The following ENTHD1 variants were observed in gnomAD, a reference collection of about 807,000 sequenced individuals.
ENTHD1 encodes ENTH domain-containing protein 1.
In ENTHD1, 23 loss-of-function variants were observed where a neutral mutation model predicts 39.1. That is an observed-to-expected ratio of 0.59 (90% CI 0.42 to 0.83). The LOEUF (loss-of-function observed/expected upper bound fraction) is 0.83. Ranked by LOEUF, ENTHD1 falls within the 40% of genes least tolerant of loss-of-function variation. ENTHD1 has a pLI of 0.00. For missense variants in ENTHD1, 624 were observed against 705.4 expected, an observed-to-expected ratio of 0.88 and a Z score of 1.31; for synonymous variants, 230 against 258.2, an observed-to-expected ratio of 0.89 and a Z score of 1.05.
At chr22:39,824,262 T>C (rs1289395624) in intron 4 of ENTHD1, among the ~76,000 whole-genome samples, 4 of 126,966 alleles carry the variant, frequency 3.2e-5, no homozygotes, top group Non-Finnish European at 6.2e-5. Flanking sequence ...CAGGCTGGAG[T>C]GCAACGGCAC....
intron 3 of ENTHD1, among the ~76,000 whole-genome samples, chr22:39,861,506 C>T (rs1455270180): frequency 6.6e-6 from 1 of 151,968 alleles, no homozygotes; most frequent in Non-Finnish European, 1.5e-5. Flanking sequence ...TGCCACTACA[C>T]TCCAGCCTAG....
intron 2 of ENTHD1, among the ~76,000 whole-genome samples, chr22:39,864,936 A>G (rs1029074412): frequency 1.3e-4 from 20 of 152,192 alleles, no homozygotes; most frequent in Admixed American, 1.3e-3. Flanking sequence ...TCATAAAGGA[A>G]TAAATTACCA....
At chr22:39,760,197 A>C (rs1317117412) in intron 6 of ENTHD1, among the ~76,000 whole-genome samples, 1 of 152,018 alleles carries the variant, frequency 6.6e-6, no homozygotes, top group East Asian at 1.9e-4. Context: ...ATGGATTTTT[A>C]TGCCTAGTTC....
chr22:39,844,478 A>C (rs980415832), intron 3 of ENTHD1, among the ~76,000 whole-genome samples: 27 of 152,192 alleles, frequency 1.8e-4, no homozygotes, highest in Non-Finnish European at 2.9e-4. Context: ...TACAAAAGCA[A>C]GTTTTAATAT....
At chr22:39,848,207 C>T (rs534645570) in intron 3 of ENTHD1, among the ~76,000 whole-genome samples, 5 of 152,220 alleles carry the variant, frequency 3.3e-5, no homozygotes, top group African/African-American at 7.2e-5. Flanking sequence ...ACTCCCTCTT[C>T]GGCCACCAGC....
intron 6 of ENTHD1, among the ~76,000 whole-genome samples, chr22:39,751,788 T>A (rs2065149369): frequency 2.0e-5 from 3 of 152,208 alleles, no homozygotes; most frequent in Non-Finnish European, 4.4e-5. Context: ...TAGAAACTGA[T>A]TTTGACTGTT....
At chr22:39,819,623 A>C (rs1293078116) in intron 5 of ENTHD1, among the ~76,000 whole-genome samples, 1 of 152,180 alleles carries the variant, frequency 6.6e-6, no homozygotes, top group Non-Finnish European at 1.5e-5. Flanking sequence ...GAGGATTTTT[A>C]GGGTAGTGAA....
At chr22:39,773,760 T>A (rs1008810806) in intron 5 of ENTHD1, among the ~76,000 whole-genome samples, 1 of 152,096 alleles carries the variant, frequency 6.6e-6, no homozygotes. Context: ...ATAATTCAGA[T>A]TGTAAGGTTA....
At chr22:39,852,215 G>T (rs1255273214) in intron 3 of ENTHD1, among the ~76,000 whole-genome samples, 1 of 151,608 alleles carries the variant, frequency 6.6e-6, no homozygotes, top group African/African-American at 2.4e-5. Flanking sequence ...GTGTGGTGGC[G>T]CATGCCTGCA....
At chr22:39,858,720 A>T (rs1339548019) in intron 3 of ENTHD1, among the ~76,000 whole-genome samples, 1 of 152,214 alleles carries the variant, frequency 6.6e-6, no homozygotes, top group Non-Finnish European at 1.5e-5. Context: ...TCTCCATCAG[A>T]GCTCTTGGGT....
intron 6 of ENTHD1, among the ~76,000 whole-genome samples, chr22:39,762,718 G>T (rs2065245453): frequency 6.6e-6 from 1 of 152,070 alleles, no homozygotes; most frequent in Non-Finnish European, 1.5e-5. Flanking sequence ...CTCCCAAAGT[G>T]CTGGGATTAC....
At chr22:39,833,083 T>C (rs1296955881) in intron 4 of ENTHD1, among the ~76,000 whole-genome samples, 1 of 152,080 alleles carries the variant, frequency 6.6e-6, no homozygotes, top group Non-Finnish European at 1.5e-5. Context: ...GGGCATGTGG[T>C]TTGCAATTTA....
At position 39,876,211 on chromosome 22, in the gene ENTHD1, A is replaced by G. The variant is rs2066288281; in HGVS notation, c.349+11189T>C. ...CTTCTGTACTTGAAGTTGATTTGAAATATGTAAGAATTGATGATGTATTTG... is the reference window on the plus strand; with the variant it reads ...CTTCTGTACTTGAAGTTGATTTGAAGTATGTAAGAATTGATGATGTATTTG... On this transcript the variant is annotated intron_variant, in intron 2 of 6. Transcript: ENST00000325157. 5 of 1,289,922 alleles carry G rather than the reference A, an allele frequency of 3.9e-6. No homozygotes were observed. The East Asian group carries it at 1.2e-4, about 32-fold the overall frequency. The allele number at this position is 1,289,922 out of a possible 1,614,324, so 79.9% of individuals were successfully genotyped here.
chr22:39,777,440 A>G (rs1221303782), intron 5 of ENTHD1, among the ~76,000 whole-genome samples: 2 of 152,172 alleles, frequency 1.3e-5, no homozygotes, highest in Admixed American at 6.5e-5. Context: ...TGAGAGTTTT[A>G]TCATATATCA....
At chr22:39,883,003 C>CAAAAA (rs58964198) in intron 2 of ENTHD1, among the ~76,000 whole-genome samples, 34 of 48,018 alleles carry the variant, frequency 7.1e-4, no homozygotes, top group African/African-American at 1.0e-3. Context: ...GACTTCATCT[C>CAAAAA]AAAAAAAAAA....
At chr22:39,848,792 TATGAA>T (rs2066011891) in intron 3 of ENTHD1, among the ~76,000 whole-genome samples, 1 of 152,238 alleles carries the variant, frequency 6.6e-6, no homozygotes, top group Admixed American at 6.5e-5. Flanking sequence ...TTTTTCTGTT[TATGAA>T]ATATTTCCCT....
At chr22:39,774,152 C>T (rs577718443) in intron 5 of ENTHD1, among the ~76,000 whole-genome samples, 1 of 152,296 alleles carries the variant, frequency 6.6e-6, no homozygotes, top group South Asian at 2.1e-4. Flanking sequence ...CTTTGAAACT[C>T]ATTCCTCTTC....
intron 4 of ENTHD1, among the ~76,000 whole-genome samples, chr22:39,826,594 T>A (rs979533311): frequency 6.6e-6 from 1 of 152,162 alleles, no homozygotes; most frequent in Non-Finnish European, 1.5e-5. Flanking sequence ...TGCTGAAAAG[T>A]TCCCGCTCAC....
intron 5 of ENTHD1, among the ~76,000 whole-genome samples, chr22:39,784,525 G>A (rs1277999929): frequency 1.4e-5 from 2 of 141,482 alleles, no homozygotes; most frequent in African/African-American, 5.4e-5. Flanking sequence ...AAGAAAATGC[G>A]CTCTCTCTCT....
Sources: allele counts gnomAD v4.1 joint callset (sites outside exome capture counted in the v4.1 genomes callset), GRCh38; gene constraint gnomAD v4.1.1; transcripts MANE v1.5; gene names NCBI Gene and HGNC (gene_info 2026-07-23, HGNC 2026-07-21).